ZNF469: variants seen among roughly 807,000 people sequenced by gnomAD.
ZNF469 encodes the protein zinc finger protein 469.
ZNF469 carries 1 observed loss-of-function variant against 1.0 expected under a neutral mutation model. The ratio of observed to expected loss-of-function variants is 1.00; its 90% CI spans 0.35 to 4.73. ZNF469 has a LOEUF of 4.73. Among genes scored for constraint, ZNF469 ranks in the 30% most tolerant of loss-of-function variants. ZNF469 has a pLI of 0.16. For missense variants in ZNF469, 6,100 were observed against 5,356.3 expected, an observed-to-expected ratio of 1.14 and a Z score of -4.33; for synonymous variants, 2,703 against 2,363.4, an observed-to-expected ratio of 1.14 and a Z score of -4.17.
Position 88,428,159 on chromosome 16 carries a change from G to A in ZNF469, c.689G>A (p.Ser230Asn). ...QPGSYPEYQA[S>N]GADSWPPAAE... ...GGTTCCTATCCCGAATACCAGGCCA[G>A]TGGGGCCGACTCCTGGCCTCCCGCT... Residue 230 changes from serine (S) to asparagine (N), a missense_variant, in exon 3 of 3, where the codon AGT (serine) becomes AAT (asparagine). Ser to Asn is a conservative substitution (Grantham distance 46). Coordinates refer to ENST00000565624, the MANE Select transcript of ZNF469 (RefSeq NM_001367624.2). The A allele has an allele frequency of 6.5e-7, 1 of 1,550,202 alleles. No individual in the cohort carries two copies.
At chr16:88,249,909 G>T in the ZNF469 span, among the ~76,000 whole-genome samples, 19 of 152,250 alleles carry the variant, frequency 1.2e-4, no homozygotes, top group African/African-American at 4.6e-4. Context: ...TCACCCCAAG[G>T]CCCCTGTGCC....
chr16:88,325,125 CT>C, the ZNF469 span, among the ~76,000 whole-genome samples: 811 of 149,156 alleles, frequency 5.4e-3, 9 homozygotes, highest in East Asian at 0.034. Context: ...AAGTCCTCAC[CT>C]GCACACTCCA....
At chr16:88,384,370 A>G (rs2092532690) in intron 1 of ZNF469, among the ~76,000 whole-genome samples, 1 of 152,212 alleles carries the variant, frequency 6.6e-6, no homozygotes, top group Admixed American at 6.5e-5. Context: ...CCCCCAGCAC[A>G]GCCCACAGCC....
chr16:88,140,397 C>T, the ZNF469 span, among the ~76,000 whole-genome samples: 454 of 146,726 alleles, frequency 3.1e-3, 10 homozygotes, highest in East Asian at 0.063. Context: ...GAAAGGAGGA[C>T]GGAGCCGTGT....
the ZNF469 span, chr16:88,234,833 G>A: frequency 2.0e-5 from 3 of 152,226 alleles, no homozygotes; most frequent in East Asian, 1.9e-4. Flanking sequence ...AGCCTGGGGC[G>A]GCCGGACGCA....
the ZNF469 span, among the ~76,000 whole-genome samples, chr16:88,374,945 T>G: frequency 6.6e-6 from 1 of 152,168 alleles, no homozygotes; most frequent in African/African-American, 2.4e-5. Context: ...CAGCGTTCAG[T>G]GTGGTGGAAT....
At chr16:88,301,068 A>C in the ZNF469 span, among the ~76,000 whole-genome samples, 67 of 152,284 alleles carry the variant, frequency 4.4e-4, no homozygotes, top group Middle Eastern at 6.8e-3. Flanking sequence ...GTCTCAAAAA[A>C]AAAGAAAGAA....
At chr16:88,253,531 TTTGTTG>T in the ZNF469 span, among the ~76,000 whole-genome samples, 1 of 151,066 alleles carries the variant, frequency 6.6e-6, no homozygotes, top group Admixed American at 6.6e-5. Flanking sequence ...TTGTCCATTT[TTTGTTG>T]TTGTTGTTTT....
At chr16:88,205,048 G>A in the ZNF469 span, among the ~76,000 whole-genome samples, 38 of 152,136 alleles carry the variant, frequency 2.5e-4, no homozygotes, top group African/African-American at 8.2e-4. This position sits in a 1 kb window ranked among gnomAD's most constrained non-coding sequence, Gnocchi z 4.2. Flanking sequence ...TGCGTCCATC[G>A]CCATTGTGTT....
the ZNF469 span, among the ~76,000 whole-genome samples, chr16:88,119,551 A>G: frequency 6.6e-6 from 1 of 152,248 alleles, no homozygotes; most frequent in African/African-American, 2.4e-5. Flanking sequence ...CTCCACATGC[A>G]CTGATGAACA....
chr16:88,105,783 G>A, the ZNF469 span, among the ~76,000 whole-genome samples: 1 of 152,248 alleles, frequency 6.6e-6, no homozygotes, highest in South Asian at 2.1e-4. Context: ...CCATGACTGG[G>A]TAGGGGGATA....
At chr16:88,105,556 C>T in the ZNF469 span, among the ~76,000 whole-genome samples, 10 of 152,282 alleles carry the variant, frequency 6.6e-5, no homozygotes, top group East Asian at 9.7e-4. Flanking sequence ...CCACCTGCCT[C>T]GGCCTCCCAA....
chr16:88,209,432 A>G, the ZNF469 span, among the ~76,000 whole-genome samples: 2 of 151,958 alleles, frequency 1.3e-5, no homozygotes, highest in Non-Finnish European at 2.9e-5. Context: ...CTGGGACTAC[A>G]GGTACCCGCC....
chr16:88,354,440 C>T, the ZNF469 span, among the ~76,000 whole-genome samples: 1 of 152,048 alleles, frequency 6.6e-6, no homozygotes. Flanking sequence ...AGCTCGTGCT[C>T]CAGAATTAGG....
At chr16:88,418,820 A>G (rs1905373382) in intron 1 of ZNF469, among the ~76,000 whole-genome samples, 1 of 152,254 alleles carries the variant, frequency 6.6e-6, no homozygotes, top group Non-Finnish European at 1.5e-5. Flanking sequence ...CTCAGGTAAC[A>G]GATAGTTTTT....
the ZNF469 span, among the ~76,000 whole-genome samples, chr16:88,342,187 C>T: frequency 6.6e-6 from 1 of 152,158 alleles, no homozygotes. Flanking sequence ...CAGGTCTGGG[C>T]TCGGTCTCCA....
At chr16:88,132,604 A>G in the ZNF469 span, among the ~76,000 whole-genome samples, 2 of 152,226 alleles carry the variant, frequency 1.3e-5, no homozygotes, top group African/African-American at 4.8e-5. Context: ...CATTTTCAGA[A>G]TTGTTCAAAG....
chr16:88,310,159 C>A, the ZNF469 span, among the ~76,000 whole-genome samples: 3 of 152,090 alleles, frequency 2.0e-5, no homozygotes, highest in African/African-American at 7.2e-5. Flanking sequence ...GGTGGGACAG[C>A]CTGGCATGAG....
chr16:88,379,766 G>A (rs2092516327), upstream of ZNF469, among the ~76,000 whole-genome samples: 1 of 152,146 alleles, frequency 6.6e-6, no homozygotes, highest in African/African-American at 2.4e-5. Context: ...TGGGGACAAG[G>A]CAAGGGGTGG....
Sources: allele counts gnomAD v4.1 joint callset (sites outside exome capture counted in the v4.1 genomes callset), GRCh38; gene constraint gnomAD v4.1.1; non-coding constraint Gnocchi (gnomAD v3.1); transcripts MANE v1.5; gene names NCBI Gene and HGNC (gene_info 2026-07-23, HGNC 2026-07-21).